Variants in TMEM108 observed in about 807,000 individuals in gnomAD.
The protein encoded by TMEM108 is transmembrane protein 108.
A neutral mutation model predicts 35.1 loss-of-function variants in TMEM108; 12 were observed. The observed-to-expected ratio is 0.34, with a 90% CI of 0.22 to 0.55. The LOEUF is 0.55. Among genes scored for constraint, TMEM108 ranks in the 20% least tolerant of loss-of-function variants. TMEM108 has a pLI of 0.89. For synonymous variants in TMEM108, 287 were observed against 308.6 expected, an observed-to-expected ratio of 0.93 and a Z score of 0.73; for missense variants, 680 against 753.3, an observed-to-expected ratio of 0.90 and a Z score of 1.14.
intron 3 of TMEM108, among the ~76,000 whole-genome samples, chr3:133,237,166 T>C (rs1408088393): frequency 6.6e-6 from 1 of 152,122 alleles, no homozygotes; most frequent in African/African-American, 2.4e-5. Flanking sequence ...TCTTCCTTTT[T>C]TTTGTCCAGC....
intron 2 of TMEM108, among the ~76,000 whole-genome samples, chr3:133,067,365 G>C (rs1324890040): frequency 2.0e-5 from 3 of 152,132 alleles, no homozygotes; most frequent in Non-Finnish European, 4.4e-5. Flanking sequence ...TGCTAGGCCA[G>C]AAGCCTGGCA....
chr3:133,121,129 C>G (rs1944347500), intron 2 of TMEM108, among the ~76,000 whole-genome samples: 1 of 152,220 alleles, frequency 6.6e-6, no homozygotes. Flanking sequence ...CCCAGGACTT[C>G]TGAATCCTGA....
chr3:133,173,236 G>A (rs538356776), intron 2 of TMEM108, among the ~76,000 whole-genome samples: 2 of 152,314 alleles, frequency 1.3e-5, no homozygotes, highest in East Asian at 3.9e-4. Flanking sequence ...TAAAAATGGT[G>A]CAACAAAACA....
chr3:133,364,689 C>G (rs2072452313), intron 3 of TMEM108, among the ~76,000 whole-genome samples: 1 of 152,146 alleles, frequency 6.6e-6, no homozygotes. Flanking sequence ...GAAAGGAATA[C>G]TGTGGAGAAA....
intron 2 of TMEM108, among the ~76,000 whole-genome samples, chr3:133,098,181 A>G (rs886549712): frequency 6.6e-5 from 10 of 152,258 alleles, no homozygotes; most frequent in Admixed American, 5.2e-4. Context: ...CCTCAGAAAC[A>G]TGGTGGGAGG....
intron 4 of TMEM108, chr3:133,388,571 CAG>C (rs1195803743): frequency 1.9e-5 from 19 of 985,302 alleles, no homozygotes; most frequent in Non-Finnish European, 2.3e-5. Context: ...CCCTAACACT[CAG>C]AAATTCCTTC....
intron 2 of TMEM108, among the ~76,000 whole-genome samples, chr3:133,175,429 C>T (rs967583778): frequency 7.9e-5 from 12 of 152,126 alleles, no homozygotes; most frequent in African/African-American, 2.2e-4. Context: ...AGAGAAAGGT[C>T]GGGTTACCCA....
chr3:133,224,272 G>A (rs1177907685), intron 2 of TMEM108, among the ~76,000 whole-genome samples: 1 of 152,118 alleles, frequency 6.6e-6, no homozygotes, highest in Non-Finnish European at 1.5e-5. Context: ...CTGACTGCTT[G>A]TGGGTCGCCC....
At chr3:133,087,338 G>A (rs1410363186) in intron 2 of TMEM108, among the ~76,000 whole-genome samples, 2 of 152,090 alleles carry the variant, frequency 1.3e-5, no homozygotes. Context: ...ATGTGATAAC[G>A]CTGCAGGATA....
chr3:133,175,740 A>G (rs1365624345), intron 2 of TMEM108, among the ~76,000 whole-genome samples: 11 of 152,340 alleles, frequency 7.2e-5, no homozygotes, highest in Non-Finnish European at 1.3e-4. Flanking sequence ...AAAGACCATC[A>G]ATGCTAGGAA....
At chr3:133,185,259 GAGA>G (rs1300803900) in intron 2 of TMEM108, among the ~76,000 whole-genome samples, 1 of 152,006 alleles carries the variant, frequency 6.6e-6, no homozygotes, top group Non-Finnish European at 1.5e-5. Flanking sequence ...GACTAAATAG[GAGA>G]AGATGTTTTA....
At chr3:133,361,089 C>G (rs888138500) in intron 3 of TMEM108, among the ~76,000 whole-genome samples, 1 of 152,214 alleles carries the variant, frequency 6.6e-6, no homozygotes, top group African/African-American at 2.4e-5. Flanking sequence ...ACTTGCAGAC[C>G]TTTAAGGATA....
intron 2 of TMEM108, among the ~76,000 whole-genome samples, chr3:133,199,285 C>T (rs1232358086): frequency 6.6e-6 from 1 of 152,234 alleles, no homozygotes; most frequent in Non-Finnish European, 1.5e-5. Context: ...CTTCTCTCAA[C>T]TCATCAAAGT....
At chr3:133,127,806 G>A (rs1358172409) in intron 2 of TMEM108, among the ~76,000 whole-genome samples, 1 of 152,040 alleles carries the variant, frequency 6.6e-6, no homozygotes, top group African/African-American at 2.4e-5. Flanking sequence ...TTCCAGTTTA[G>A]TTCTTAATTA....
intron 2 of TMEM108, among the ~76,000 whole-genome samples, chr3:133,164,750 G>T (rs770150395): frequency 6.6e-6 from 1 of 151,994 alleles, no homozygotes; most frequent in Admixed American, 6.5e-5. Context: ...AATGTTAAGG[G>T]GTTCTTGTGC....
At chr3:133,116,485 AT>A (rs1944289287) in intron 2 of TMEM108, among the ~76,000 whole-genome samples, 1 of 152,130 alleles carries the variant, frequency 6.6e-6, no homozygotes, top group Non-Finnish European at 1.5e-5. Context: ...GACTTCTTGT[AT>A]TTTATTTACA....
At chr3:133,068,564 G>A (rs1943638697) in intron 2 of TMEM108, among the ~76,000 whole-genome samples, 1 of 152,174 alleles carries the variant, frequency 6.6e-6, no homozygotes, top group Admixed American at 6.5e-5. Context: ...GAAAGCTGAT[G>A]AAGGGTTCAA....
intron 2 of TMEM108, among the ~76,000 whole-genome samples, chr3:133,156,251 T>G (rs1457650258): frequency 2.6e-5 from 4 of 152,150 alleles, no homozygotes; most frequent in Non-Finnish European, 5.9e-5. Context: ...TTACAAATAT[T>G]TGCCTTTTAT....
At chr3:133,377,203 G>A (rs990837214) in intron 3 of TMEM108, among the ~76,000 whole-genome samples, 20 of 152,176 alleles carry the variant, frequency 1.3e-4, no homozygotes, top group Non-Finnish European at 2.8e-4. Context: ...CTGGGAATTA[G>A]GGATTCAACA....
Sources: allele counts gnomAD v4.1 joint callset (sites outside exome capture counted in the v4.1 genomes callset), GRCh38; gene constraint gnomAD v4.1.1; transcripts MANE v1.5; gene names NCBI Gene and HGNC (gene_info 2026-07-23, HGNC 2026-07-21).